Variants in LMF2 observed in about 807,000 individuals in gnomAD.
LMF2 encodes lipase maturation factor 2, also known as transmembrane protein 112B.
A neutral mutation model predicts 81.5 loss-of-function variants in LMF2; 113 were observed. The observed-to-expected ratio is 1.39, with a 90% CI of 1.19 to 1.62. The LOEUF is 1.62. LMF2 is among the 40% of genes most tolerant of loss of function. The probability of loss-of-function intolerance (pLI) is 0.00; values close to 1 mark genes in which losing one functional copy is unlikely to be tolerated. For synonymous variants in LMF2, 645 were observed against 424.5 expected (o/e 1.52, Z -6.39); for missense variants, 1,235 against 929.1 (o/e 1.33, Z -4.28).
intron 13 of LMF2, 37 bp from the exon 14 acceptor site, chr22:50,503,736 G>A (rs774793402): frequency 4.4e-6 from 7 of 1,589,364 alleles, no homozygotes; most frequent in African/African-American, 1.3e-5. Context: ...TTGGGGAAGT[G>A]CTTACTGGGT....
rs1454299860 is a variant in LMF2 at position 50,507,677 on chromosome 22, T to A, written c.-2A>T. The A allele has an allele frequency of 1.3e-6, 2 of 1,549,346 alleles. No individual in the cohort carries two copies. Among genetic ancestry groups the A allele is most frequent in the South Asian group, 1.2e-5 (1 of 84,092 alleles). ...CCGCGGGAGCCGGGAGCCCGCCATG[T>A]CCGCTACGCGGCCCGCTAGAGCAGG... On this transcript the variant is annotated 5_prime_UTR_variant, in exon 1 of 14. Transcript: ENST00000474879.
In LMF2 at chr22:50,505,095, C is replaced by A; in HGVS notation, c.1216G>T (p.Val406Leu). 6.2e-7 allele frequency: 1 copy of A among 1,613,004 alleles called. No homozygotes were observed. The highest frequency in any genetic ancestry group is 8.5e-7 in the Non-Finnish European group (1 of 1,180,012). Reference sequence around the variant, plus strand: ...AACAAGGCCACGGTCGCAGTGCCCACAAGGGACAGTTGGACTACAGCACTG... The same window carrying A: ...AACAAGGCCACGGTCGCAGTGCCCAAAAGGGACAGTTGGACTACAGCACTG... ...KLSAVVQLSL[V>L]GTATVALFLI... Residue 406 changes from valine to leucine, a missense_variant, in exon 9 of 14, where the codon GTG becomes TTG. Val to Leu is a conservative substitution (Grantham distance 32). Coordinates refer to ENST00000474879, the MANE Select transcript of LMF2 (RefSeq NM_033200.3).
Position 50,506,101 on chromosome 22 carries a change from C to G in LMF2, c.708G>C (p.Glu236Asp). The change falls in exon 5 of 14, where the codon GAG becomes GAC. Residue 236 changes from glutamate (E) to aspartate (D), a missense_variant. Transcript: ENST00000474879. ...CGAAGAACAGGGGCGGCACAGCGAT[C>G]TCAATTAGGAAGGTGGCCACCACGC... ...KLSVVATFLI[E>D]IAVPPLFFAP... The G allele has an allele frequency of 6.3e-7, 1 of 1,589,418 alleles. No homozygotes were observed. Among genetic ancestry groups the G allele is most frequent in the Non-Finnish European group, 8.6e-7 (1 of 1,168,276 alleles).
rs369955241 is a variant in LMF2 at position 50,505,920 on chromosome 22, C to T, written c.775-105G>A. 9 of 1,574,426 alleles carry T rather than the reference C, an allele frequency of 5.7e-6. No individual in the cohort carries two copies. The African/African-American group carries it at 1.1e-4, about 19-fold the overall frequency. On this transcript the variant is annotated intron_variant, in intron 5 of 13. Coordinates refer to ENST00000474879, the MANE Select transcript of LMF2 (RefSeq NM_033200.3). ...GCATCCCTCTGCTACAAGGCCTTCC[C>T]AACAGCGGTTGCCAGCTGTCCCCGG...
Position 50,504,980 on chromosome 22 carries a change from G to C in LMF2, c.1259C>G (p.Pro420Arg), listed in dbSNP as rs944450380. The change falls in exon 10 of 14, where the codon CCG becomes CGG. Residue 420 changes from proline to arginine, a missense_variant. By Grantham distance (103) the Pro-to-Arg change is moderately radical. Transcript: ENST00000474879. ...TVALFLISLV[P>R]YSYVEPGTHG... is the part of the protein sequence containing the mutation. ...GGTCCCGGGCTCCACGTAGGAGTAC[G>C]GCACCTGGAGACAGGTGGGAGGTTC... 2 of 1,609,664 alleles carry C rather than the reference G, an allele frequency of 1.2e-6. No individual in the cohort carries two copies. Among genetic ancestry groups the C allele is most frequent in the Non-Finnish European group, 8.5e-7 (1 of 1,177,704 alleles).
Position 50,505,253 on chromosome 22 carries a change from C to T in LMF2, c.1133G>A (p.Trp378Ter), listed in dbSNP as rs769789603. Residue 378 changes from tryptophan to a stop codon, truncating the protein, a stop_gained, in exon 8 of 14, where the codon TGG (tryptophan) becomes TAG (stop). Transcript: ENST00000474879. LOFTEE classifies it high-confidence loss of function. Reference sequence around the variant, plus strand: ...CCTCCACAGGGCACTCAGCAGCTCCCAGACCAGGGAGGCCACACCCAGCCA... The same window carrying T: ...CCTCCACAGGGCACTCAGCAGCTCCTAGACCAGGGAGGCCACACCCAGCCA... ...TVWLGVASLV[W>*]ELLSALWRWT... The T allele has an allele frequency of 1.2e-6, 2 of 1,613,178 alleles. No individual in the cohort carries two copies. The highest frequency in any genetic ancestry group is 1.3e-5 in the African/African-American group (1 of 75,058).
At position 50,503,308 on chromosome 22, in the gene LMF2, C is replaced by G. The variant is rs745635989; in HGVS notation, c.*83G>C. ...TGGCCCTGCAGGGTCAGCTAAGGCACAGTGGCTGGGTCCTGTCCTGCCGGA... is the reference window on the plus strand; with the variant it reads ...TGGCCCTGCAGGGTCAGCTAAGGCAGAGTGGCTGGGTCCTGTCCTGCCGGA... On this transcript the variant is annotated 3_prime_UTR_variant, in exon 14 of 14. Transcript: ENST00000474879. 15 of 1,461,022 alleles carry G rather than the reference C, an allele frequency of 1.0e-5. No individual in the cohort carries two copies. The highest frequency in any genetic ancestry group is 1.4e-5 in the Non-Finnish European group (15 of 1,070,584). The allele number at this position is 1,461,022 out of a possible 1,614,324, so 90.5% of individuals were successfully genotyped here.
At chr22:50,505,846 A>C in intron 5 of LMF2, 31 bp from the exon 6 acceptor site, 2 of 1,610,826 alleles carry the variant, frequency 1.2e-6, no homozygotes. Context: ...GTGCTCCCGG[A>C]GACTGACGCC....
chr22:50,505,893 G>A lies in LMF2; in HGVS notation c.775-78C>T, dbSNP rs2068550227. 3.8e-6 allele frequency: 6 copies of A among 1,591,162 alleles called. No individual in the cohort carries two copies. In the Admixed American group the frequency reaches 5.1e-5, roughly 14 times the overall value. On this transcript the variant is annotated intron_variant, in intron 5 of 13. Coordinates refer to ENST00000474879, the MANE Select transcript of LMF2 (RefSeq NM_033200.3). The stretch of plus-strand genomic sequence containing the variant: ...CAGGCACCCACCTCCACCCTGCAGG[G>A]TGCATCCCTCTGCTACAAGGCCTTC...
chr22:50,505,440 C>A lies in LMF2; in HGVS notation c.1014G>T (p.Glu338Asp). ...GGATGGTGCGCTGCTGCCAGTCAAC[C>A]TCCAGGCCAAAGTAGTGCACAGTGC... is the stretch of plus-strand genomic sequence containing the variant. ...AYGTVHYFGL[E>D]VDWQQRTIHS... is the part of the protein sequence containing the mutation. Residue 338 changes from glutamate (E) to aspartate (D), a missense_variant, in exon 7 of 14, where the codon GAG (glutamate) becomes GAT (aspartate). By Grantham distance (45) the Glu-to-Asp change is conservative. Coordinates refer to ENST00000474879, the MANE Select transcript of LMF2 (RefSeq NM_033200.3). The A allele has an allele frequency of 6.2e-7, 1 of 1,613,094 alleles. No homozygotes were observed. The highest frequency in any genetic ancestry group is 8.5e-7 in the Non-Finnish European group (1 of 1,180,028).
In LMF2 at chr22:50,505,298, G is replaced by A. The variant is rs755029802; in HGVS notation, c.1088C>T (p.Thr363Ile). ...CAGCCACACAGTGGGCAGCGTCAGTGTCTTCAGCCACTGAGAAAACTGGTG... is the reference window on the plus strand; with the variant it reads ...CAGCCACACAGTGGGCAGCGTCAGTATCTTCAGCCACTGAGAAAACTGGTG... Reference protein sequence around the residue: ...TFHQFSQWLKTLTLPTVWLGV... With the variant: ...TFHQFSQWLKILTLPTVWLGV... Residue 363 changes from threonine (T) to isoleucine (I), a missense_variant, in exon 8 of 14, where the codon ACA becomes ATA. Transcript: ENST00000474879. The A allele has an allele frequency of 1.2e-6, 2 of 1,613,338 alleles. No homozygotes were observed. Among genetic ancestry groups the A allele is most frequent in the East Asian group, 4.5e-5 (2 of 44,890 alleles).
intron 2 of LMF2, 39 bp downstream of exon 2, chr22:50,506,743 G>C (rs553162668): frequency 6.2e-7 from 1 of 1,612,454 alleles, no homozygotes; most frequent in African/African-American, 1.3e-5. Context: ...GGGTGGTGGG[G>C]GTTGGAGATA....
In LMF2 at chr22:50,503,328, G is replaced by A. The variant is rs369299333; in HGVS notation, c.*63C>T. 2.4e-5 allele frequency: 37 copies of A among 1,556,882 alleles called. No homozygotes were observed. In the African/African-American group the frequency reaches 4.3e-4, roughly 18 times the overall value. On this transcript the variant is annotated 3_prime_UTR_variant, in exon 14 of 14. Coordinates refer to ENST00000474879, the MANE Select transcript of LMF2 (RefSeq NM_033200.3). ...AGGCACAGTGGCTGGGTCCTGTCCT[G>A]CCGGAGGCCAGAGCACTCCCGGCGA...
Position 50,505,246 on chromosome 22 carries a change from C to G in LMF2, c.1140G>C (p.Leu380=). The change falls in exon 8 of 14, where the codon CTG becomes CTC. Residue 380 remains leucine, a synonymous_variant. Transcript: ENST00000474879. ...WLGVASLVWE[L]LSALWRWTQV... ...CCATGTACCTCCACAGGGCACTCAG[C>G]AGCTCCCAGACCAGGGAGGCCACAC... 1 of 1,613,162 alleles carries G rather than the reference C, an allele frequency of 6.2e-7. No homozygotes were observed. The highest frequency in any genetic ancestry group is 1.7e-5 in the Admixed American group (1 of 60,032).
chr22:50,504,314 A>ACACCC (rs775063528), intron 12 of LMF2, 26 bp downstream of exon 12: 1 of 1,518,776 alleles, frequency 6.6e-7, no homozygotes, highest in African/African-American at 1.5e-5. Flanking sequence ...CCCGGGCTCC[A>ACACCC]CACCCCACCC....
Position 50,507,026 on chromosome 22 carries a change from C to A in LMF2, c.104G>T (p.Gly35Val), listed in dbSNP as rs565204063. The A allele has an allele frequency of 6.3e-7, 1 of 1,592,666 alleles. No homozygotes were observed. Among genetic ancestry groups the A allele is most frequent in the Non-Finnish European group, 8.5e-7 (1 of 1,176,604 alleles). The change falls in exon 2 of 14, where the codon GGC becomes GTC. Residue 35 changes from glycine (G) to valine (V), a missense_variant. Transcript: ENST00000474879. ...CCTTGCAGGTAGGATGCCCTCGGGGCCATACAGGCCTGTGGGAGGGCATGT... is the reference window on the plus strand; with the variant it reads ...CCTTGCAGGTAGGATGCCCTCGGGGACATACAGGCCTGTGGGAGGGCATGT... ...SLYTQIPGLYGPEGILPARRT... is the reference protein window; with the variant it reads ...SLYTQIPGLYVPEGILPARRT...
Position 50,505,223 on chromosome 22 carries a change from A to T in LMF2, c.1157+6T>A. The T allele has an allele frequency of 6.2e-7, 1 of 1,612,918 alleles. No individual in the cohort carries two copies. Among genetic ancestry groups the T allele is most frequent in the South Asian group, 1.1e-5 (1 of 91,086 alleles). On this transcript the variant is annotated splice_donor_region_variant and intron_variant, in intron 8 of 13. Transcript: ENST00000474879. The stretch of plus-strand genomic sequence containing the variant: ...GTGCCCCCTCCCTGCTTCCTGGGCC[A>T]TGTACCTCCACAGGGCACTCAGCAG...
At position 50,504,719 on chromosome 22, in the gene LMF2, C is replaced by G; in HGVS notation, c.1446G>C (p.Glu482Asp). ...SYDGHHWTEI[E>D]FMYKPGNLSR... ...TCAGGTTCCCAGGCTTGTACATGAA[C>G]TCGATCTCCTGCCAGGCAGGCCGAG... Residue 482 changes from glutamate (E) to aspartate (D), a missense_variant, in exon 11 of 14, where the codon GAG becomes GAC. Glu to Asp is a conservative substitution (Grantham distance 45). Transcript: ENST00000474879. 6.2e-7 allele frequency: 1 copy of G among 1,609,702 alleles called. No individual in the cohort carries two copies. The highest frequency in any genetic ancestry group is 1.1e-5 in the South Asian group (1 of 91,052).
Position 50,503,371 on chromosome 22 carries a change from G to A in LMF2, c.*20C>T, listed in dbSNP as rs577311923. 2.5e-5 allele frequency: 40 copies of A among 1,610,144 alleles called. No homozygotes were observed. The highest frequency in any genetic ancestry group is 1.2e-4 in the African/African-American group (9 of 74,744). On this transcript the variant is annotated 3_prime_UTR_variant, in exon 14 of 14. Coordinates refer to ENST00000474879, the MANE Select transcript of LMF2 (RefSeq NM_033200.3). ...CCCGGCGACCTGGCCCTCTCAGGAC[G>A]TGCAGCTGGGAGAACACAGCTACTT... is the stretch of plus-strand genomic sequence containing the variant.
Sources: gnomAD v4.1 joint callset for allele counts on GRCh38, gnomAD v4.1.1 for gene constraint, MANE v1.5 for transcripts, NCBI Gene and HGNC (gene_info 2026-07-23, HGNC 2026-07-21) for gene names.